NCAM2: variants seen among roughly 807,000 people sequenced by gnomAD.
The protein encoded by NCAM2 is N-CAM-2.
NCAM2 carries 30 observed loss-of-function variants against 98.1 expected under a neutral mutation model. The observed-to-expected ratio is 0.31, with a 90% CI of 0.23 to 0.41. The LOEUF (loss-of-function observed/expected upper bound fraction) is 0.41. NCAM2 is among the 10% of genes least tolerant of loss of function. NCAM2 has a pLI of 1.00. For synonymous variants in NCAM2, 368 were observed against 342.4 expected, an observed-to-expected ratio of 1.07 and a Z score of -0.83; for missense variants, 867 against 1,005.8, an observed-to-expected ratio of 0.86 and a Z score of 1.87.
intron 1 of NCAM2, among the ~76,000 whole-genome samples, chr21:21,208,694 A>T (rs888760870): frequency 2.0e-5 from 3 of 152,120 alleles, no homozygotes; most frequent in Non-Finnish European, 4.4e-5. Context: ...TTAAGAAAAA[A>T]AAAATCTTTG....
In NCAM2 at chr21:21,410,283, A is replaced by G; in HGVS notation, c.1205A>G (p.Lys402Arg). 6.5e-7 allele frequency: 1 copy of G among 1,530,690 alleles called. No individual in the cohort carries two copies. Among genetic ancestry groups the G allele is most frequent in the Non-Finnish European group, 8.8e-7 (1 of 1,136,798 alleles). 94.8% of individuals were successfully genotyped at this position (1,530,690 alleles called of 1,614,324 possible). A position where few individuals can be genotyped will look rare whatever the true frequency, so the allele number is the denominator to read the frequency against. Reference sequence around the variant, plus strand: ...TTATATTGTATTACAGATGCCCCCAAGTTTATATCAAACCAAACAATTTAT... The same window carrying G: ...TTATATTGTATTACAGATGCCCCCAGGTTTATATCAAACCAAACAATTTAT... ...SMYLDIEYAP[K>R]FISNQTIYYS... The change falls in exon 10 of 18, where the codon AAG (lysine) becomes AGG (arginine). Residue 402 changes from lysine (K) to arginine (R), a missense_variant. Transcript: ENST00000400546.
At chr21:21,261,622 T>C (rs1165650593) in intron 1 of NCAM2, among the ~76,000 whole-genome samples, 1 of 152,068 alleles carries the variant, frequency 6.6e-6, no homozygotes, top group African/African-American at 2.4e-5. Context: ...TTTTAGGTAA[T>C]TAACAAAGTT....
chr21:21,208,303 A>G (rs1383529896), intron 1 of NCAM2, among the ~76,000 whole-genome samples: 1 of 152,206 alleles, frequency 6.6e-6, no homozygotes, highest in African/African-American at 2.4e-5. Context: ...GAACATATTA[A>G]AAGTATGTTT....
At chr21:21,520,489 A>G (rs976102470) in intron 16 of NCAM2, among the ~76,000 whole-genome samples, 1 of 152,126 alleles carries the variant, frequency 6.6e-6, no homozygotes. Context: ...AGAAAGTAAG[A>G]TTTGATACAA....
intron 1 of NCAM2, among the ~76,000 whole-genome samples, chr21:21,062,751 A>G (rs543652922): frequency 2.0e-4 from 31 of 152,338 alleles, no homozygotes; most frequent in Admixed American, 1.0e-3. Context: ...AAAGAGGTCA[A>G]TTATGCCTCA....
chr21:21,344,301 T>C (rs1345019076), intron 8 of NCAM2, among the ~76,000 whole-genome samples: 1 of 152,094 alleles, frequency 6.6e-6, no homozygotes, highest in Non-Finnish European at 1.5e-5. Flanking sequence ...GTCCAAATAA[T>C]AGCACAGCCA....
chr21:21,395,110 T>C (rs1248856766), intron 9 of NCAM2, among the ~76,000 whole-genome samples: 1 of 152,106 alleles, frequency 6.6e-6, no homozygotes, highest in East Asian at 1.9e-4. Context: ...GGTAGGTGGA[T>C]CACCTGAAGT....
intron 1 of NCAM2, among the ~76,000 whole-genome samples, chr21:21,199,485 G>A (rs756015102): frequency 3.7e-4 from 56 of 152,260 alleles, no homozygotes; most frequent in Admixed American, 1.0e-3. Context: ...CAGGCCCAAG[G>A]GAGCAAGACA....
intron 1 of NCAM2, among the ~76,000 whole-genome samples, chr21:21,205,493 G>C (rs950093003): frequency 6.6e-6 from 1 of 151,956 alleles, no homozygotes; most frequent in African/African-American, 2.4e-5. Flanking sequence ...TTTAAGTTTA[G>C]ATAATTTTTA....
intron 9 of NCAM2, among the ~76,000 whole-genome samples, chr21:21,409,341 A>C (rs547895667): frequency 6.6e-6 from 1 of 152,286 alleles, no homozygotes; most frequent in South Asian, 2.1e-4. Flanking sequence ...CAGACCTGAA[A>C]AAATTGATAG....
intron 1 of NCAM2, among the ~76,000 whole-genome samples, chr21:21,214,778 T>C (rs1185884266): frequency 1.5e-5 from 2 of 133,864 alleles, no homozygotes; most frequent in African/African-American, 2.7e-5. Flanking sequence ...GTAATATATA[T>C]ATACACATAT....
intron 1 of NCAM2, among the ~76,000 whole-genome samples, chr21:21,030,581 G>A (rs1479778828): frequency 6.6e-6 from 1 of 152,162 alleles, no homozygotes; most frequent in Non-Finnish European, 1.5e-5. Context: ...GCCATGTTGA[G>A]TTAGGCAACA....
At chr21:21,145,053 C>T (rs2067244020) in intron 1 of NCAM2, among the ~76,000 whole-genome samples, 1 of 151,990 alleles carries the variant, frequency 6.6e-6, no homozygotes, top group South Asian at 2.1e-4. Context: ...AAATGAATCC[C>T]TAATAGAGAT....
intron 15 of NCAM2, among the ~76,000 whole-genome samples, chr21:21,479,390 T>C (rs1336250683): frequency 1.3e-5 from 2 of 151,594 alleles, no homozygotes; most frequent in Non-Finnish European, 2.9e-5. Flanking sequence ...GAGACCATCC[T>C]GGCTAACACG....
intron 15 of NCAM2, among the ~76,000 whole-genome samples, chr21:21,481,870 CAGGCCGGTGACA>C (rs1404755026): frequency 7.9e-5 from 12 of 152,120 alleles, no homozygotes; most frequent in Non-Finnish European, 1.8e-4. Flanking sequence ...TTGGGAAGCC[CAGGCCGGTGACA>C]AGGTCGGGAG....
chr21:21,111,496 G>A (rs1424951183), intron 1 of NCAM2, among the ~76,000 whole-genome samples: 1 of 152,156 alleles, frequency 6.6e-6, no homozygotes, highest in Admixed American at 6.5e-5. Flanking sequence ...CTGAGATGGA[G>A]GGAGAACCAA....
At chr21:21,217,398 G>A (rs548100994) in intron 1 of NCAM2, among the ~76,000 whole-genome samples, 7 of 152,108 alleles carry the variant, frequency 4.6e-5, no homozygotes, top group East Asian at 1.9e-4. Context: ...ATATGTTACC[G>A]GTACCTAATT....
intron 5 of NCAM2, among the ~76,000 whole-genome samples, chr21:21,314,634 T>A (rs2074162111): frequency 6.6e-6 from 1 of 152,180 alleles, no homozygotes; most frequent in African/African-American, 2.4e-5. Context: ...TCTAAGAAGT[T>A]CCTGAAGTCT....
intron 1 of NCAM2, among the ~76,000 whole-genome samples, chr21:21,056,512 G>GTGTGTGTGTGTA (rs2065213448): frequency 6.7e-6 from 1 of 149,442 alleles, no homozygotes; most frequent in Non-Finnish European, 1.5e-5. Context: ...GTGTGTGTGT[G>GTGTGTGTGTGTA]TGTGTGTGTG....
Sources: gnomAD v4.1 joint callset for allele counts (sites outside exome capture counted in the v4.1 genomes callset) on GRCh38, gnomAD v4.1.1 for gene constraint, MANE v1.5 for transcripts, NCBI Gene and HGNC (gene_info 2026-07-23, HGNC 2026-07-21) for gene names.